The following TAF4B variants were observed in gnomAD, a reference collection of about 807,000 sequenced individuals.
TAF4B encodes TATA-box binding protein associated factor 4b.
In TAF4B, 38 loss-of-function variants were observed where a neutral mutation model predicts 86.4. That is an observed-to-expected ratio of 0.44 (90% CI 0.34 to 0.58). TAF4B has a LOEUF of 0.58. Ranked by LOEUF, TAF4B falls within the 20% of genes least tolerant of loss-of-function variation. The probability of loss-of-function intolerance (pLI) is 0.02; values close to 1 mark genes in which losing one functional copy is unlikely to be tolerated. For synonymous variants in TAF4B, 388 were observed against 391.2 expected, an observed-to-expected ratio of 0.99 and a Z score of 0.10; for missense variants, 988 against 1,027.6, an observed-to-expected ratio of 0.96 and a Z score of 0.53.
chr18:26,365,519 G>A (rs2057365974), intron 14 of TAF4B, among the ~76,000 whole-genome samples: 2 of 152,188 alleles, frequency 1.3e-5, no homozygotes, highest in South Asian at 4.1e-4. Flanking sequence ...GTCTGTCCAT[G>A]AACCGTAGGA....
At chr18:26,350,281 G>T (rs1380100231) in intron 13 of TAF4B, among the ~76,000 whole-genome samples, 9 of 152,158 alleles carry the variant, frequency 5.9e-5, no homozygotes, top group African/African-American at 1.9e-4. Flanking sequence ...ACTACAGAAT[G>T]GGGGGAAATA....
At chr18:26,374,414 T>A (rs760721684) in intron 14 of TAF4B, among the ~76,000 whole-genome samples, 1 of 152,158 alleles carries the variant, frequency 6.6e-6, no homozygotes, top group Non-Finnish European at 1.5e-5. Flanking sequence ...ACAGGACCAG[T>A]TATATTGTTA....
rs547107513 is a variant in TAF4B at position 26,239,846 on chromosome 18, T to G, written c.343+12570T>G. On this transcript the variant is annotated intron_variant, in intron 1 of 14. Coordinates refer to ENST00000269142, the MANE Select transcript of TAF4B (RefSeq NM_005640.3). ...CCAGCACCATTTATTAAATAGGGACTCCTTTCCCCATTTCTTGTTTTTGTC... is the reference window on the plus strand; with the variant it reads ...CCAGCACCATTTATTAAATAGGGACGCCTTTCCCCATTTCTTGTTTTTGTC... Among the ~76,000 whole-genome samples the G allele has an allele frequency of 1.2e-4, 18 of 152,362 alleles. No homozygotes were observed. In the South Asian group the frequency reaches 3.7e-3, roughly 32 times the overall value.
rs930029955 is a variant in TAF4B, at chr18:26,242,278, G to C, written c.343+15002G>C. On this transcript the variant is annotated intron_variant, in intron 1 of 14. Coordinates refer to ENST00000269142, the MANE Select transcript of TAF4B (RefSeq NM_005640.3). ...ATGAATCTGGGTGCTCCTGTATTGG[G>C]TGCATATATATTTAGGATAGTTAGC... is the stretch of plus-strand genomic sequence containing the variant. Among the ~76,000 whole-genome samples the C allele has an allele frequency of 2.0e-5, 3 of 152,158 alleles. No individual in the cohort carries two copies. In the East Asian group the frequency reaches 5.8e-4, roughly 29 times the overall value.
intron 2 of TAF4B, among the ~76,000 whole-genome samples, chr18:26,265,832 G>C (rs766646521): frequency 6.6e-6 from 1 of 152,140 alleles, no homozygotes; most frequent in Non-Finnish European, 1.5e-5. Flanking sequence ...TGGGATTATA[G>C]GTGTGAGCCA....
chr18:26,367,935 T>C (rs2057382288), intron 14 of TAF4B, among the ~76,000 whole-genome samples: 1 of 152,206 alleles, frequency 6.6e-6, no homozygotes, highest in Non-Finnish European at 1.5e-5. Context: ...TTCCATTTTC[T>C]TGCTAGCAGT....
At chr18:26,247,962 C>T (rs1259009544) in intron 1 of TAF4B, among the ~76,000 whole-genome samples, 4 of 143,012 alleles carry the variant, frequency 2.8e-5, no homozygotes, top group East Asian at 4.1e-4. Flanking sequence ...TTCAGACTGA[C>T]CTCCCTAGCA....
At chr18:26,250,454 G>A (rs1402537132) in intron 1 of TAF4B, among the ~76,000 whole-genome samples, 1 of 148,866 alleles carries the variant, frequency 6.7e-6, no homozygotes, top group African/African-American at 2.5e-5. Flanking sequence ...CCGAGATCAC[G>A]CCACTGCACT....
intron 6 of TAF4B, among the ~76,000 whole-genome samples, chr18:26,282,941 C>G (rs1305164203): frequency 1.3e-5 from 2 of 152,216 alleles, no homozygotes; most frequent in Non-Finnish European, 2.9e-5. Flanking sequence ...TCATCTCTTT[C>G]AGTTTTGTCC....
intron 3 of TAF4B, among the ~76,000 whole-genome samples, chr18:26,274,268 A>G (rs986741712): frequency 6.6e-6 from 1 of 152,216 alleles, no homozygotes; most frequent in African/African-American, 2.4e-5. Context: ...AGAATATTCT[A>G]TGTTCTCATA....
intron 13 of TAF4B, among the ~76,000 whole-genome samples, chr18:26,345,198 T>C (rs2057167171): frequency 6.6e-6 from 1 of 151,960 alleles, no homozygotes; most frequent in African/African-American, 2.4e-5. Flanking sequence ...ACAATCAGGG[T>C]CTGAAAAGCC....
At chr18:26,262,683 G>C (rs998722963) in intron 1 of TAF4B, among the ~76,000 whole-genome samples, 5 of 152,020 alleles carry the variant, frequency 3.3e-5, no homozygotes, top group African/African-American at 4.8e-5. Context: ...GATTCACCCT[G>C]TTGGCCAGGC....
At chr18:26,283,109 G>A (rs1277283790) in intron 6 of TAF4B, among the ~76,000 whole-genome samples, 1 of 152,140 alleles carries the variant, frequency 6.6e-6, no homozygotes, top group Non-Finnish European at 1.5e-5. Context: ...ACTCCTGTTA[G>A]TGTTGATATT....
At chr18:26,371,687 G>C (rs767410806) in intron 14 of TAF4B, among the ~76,000 whole-genome samples, 4 of 152,162 alleles carry the variant, frequency 2.6e-5, no homozygotes, top group Non-Finnish European at 5.9e-5. Flanking sequence ...TCCTTGATTT[G>C]TATAAACATA....
intron 14 of TAF4B, 105 bp from the exon 15 acceptor site, chr18:26,389,740 A>G (rs1239076318): frequency 1.7e-6 from 2 of 1,205,924 alleles, no homozygotes; most frequent in Non-Finnish European, 2.3e-6. Flanking sequence ...TCCAGTACCT[A>G]ACCCAGTGAC....
chr18:26,263,213 C>T (rs543530720), intron 1 of TAF4B, among the ~76,000 whole-genome samples: 1 of 152,090 alleles, frequency 6.6e-6, no homozygotes, highest in Non-Finnish European at 1.5e-5. Context: ...CTTAGCCTGC[C>T]AAAGTGTTGG....
intron 14 of TAF4B, among the ~76,000 whole-genome samples, chr18:26,372,940 A>G (rs1024439626): frequency 4.1e-5 from 6 of 148,072 alleles, no homozygotes; most frequent in Non-Finnish European, 7.5e-5. Flanking sequence ...CAGCCTGGGC[A>G]AAAGAGCTAG....
chr18:26,348,239 A>G (rs1215809277), intron 13 of TAF4B: 1 of 152,186 alleles, frequency 6.6e-6, no homozygotes, highest in Admixed American at 6.5e-5. Flanking sequence ...CCACCATGGA[A>G]TAAAAGTAGA....
intron 7 of TAF4B, among the ~76,000 whole-genome samples, chr18:26,290,346 T>G (rs1400864906): frequency 6.6e-6 from 1 of 152,160 alleles, no homozygotes; most frequent in Non-Finnish European, 1.5e-5. Context: ...AGGGTCTTGC[T>G]ATATTGCCCA....
Sources: allele counts gnomAD v4.1 joint callset (sites outside exome capture counted in the v4.1 genomes callset), GRCh38; gene constraint gnomAD v4.1.1; transcripts MANE v1.5; gene names NCBI Gene and HGNC (gene_info 2026-07-23, HGNC 2026-07-21).